The following ILDR2 variants were observed in gnomAD, a reference collection of about 807,000 sequenced individuals.
ILDR2 encodes immunoglobulin-like domain-containing receptor 2.
In ILDR2, 25 loss-of-function variants were observed where a neutral mutation model predicts 66.8. That is an observed-to-expected ratio of 0.37 (90% confidence interval 0.27 to 0.52). The LOEUF (loss-of-function observed/expected upper bound fraction) is 0.52, where lower values mean the gene tolerates loss of function less well. Among genes scored for constraint, ILDR2 ranks in the 20% least tolerant of loss-of-function variants. ILDR2 has a pLI of 0.88. For missense variants in ILDR2, 827 were observed against 876.8 expected (o/e 0.94, Z 0.72); for synonymous variants, 367 against 357.2 (o/e 1.03, Z -0.31).
chr1:166,897,141 T>C (rs1659182203), intron 2 of ILDR2, among the ~76,000 whole-genome samples: 2 of 152,218 alleles, frequency 1.3e-5, no homozygotes, highest in South Asian at 4.1e-4. Context: ...AAAATACAAC[T>C]AGCAGTAAGG....
Position 166,922,706 on chromosome 1 carries a change from G to A in ILDR2, c.1098C>T (p.Asp366=), listed in dbSNP as rs764579479. 2 of 1,614,212 alleles carry A rather than the reference G, an allele frequency of 1.2e-6. No individual in the cohort carries two copies. Among genetic ancestry groups the A allele is most frequent in the Non-Finnish European group, 1.7e-6 (2 of 1,180,034 alleles). ...ACCAATAGTCAGGATTGCTCTCCAAGTCCCCAGACACAGGGAACTGCTTGC... is the reference window on the plus strand; with the variant it reads ...ACCAATAGTCAGGATTGCTCTCCAAATCCCCAGACACAGGGAACTGCTTGC... The part of the protein sequence containing the change: ...MRSKQFPVSG[D]LESNPDYWSG... Residue 366 remains aspartate, a synonymous_variant, in exon 8 of 10, where the codon GAC becomes GAT. Transcript: ENST00000271417.
chr1:166,956,727 A>C lies in ILDR2; in HGVS notation c.499+6T>G, dbSNP rs1662306941. ...GATGAAAATGTCACCTGTTGTTTTC[A>C]CTTACCCAACACCAGCAGTTCCACT... is the stretch of plus-strand genomic sequence containing the variant. On this transcript the variant is annotated splice_donor_region_variant and intron_variant, in intron 3 of 9. Transcript: ENST00000271417. 4 of 1,613,256 alleles carry C rather than the reference A, an allele frequency of 2.5e-6. No individual in the cohort carries two copies. The highest frequency in any genetic ancestry group is 3.4e-6 in the Non-Finnish European group (4 of 1,179,746).
At chr1:166,954,803 T>C (rs1315891781) in intron 3 of ILDR2, among the ~76,000 whole-genome samples, 3 of 152,206 alleles carry the variant, frequency 2.0e-5, no homozygotes, top group Non-Finnish European at 2.9e-5. Context: ...GCTTTGCATG[T>C]TTTGATCCAG....
chr1:166,967,424 G>A (rs1663026911), intron 1 of ILDR2, among the ~76,000 whole-genome samples: 1 of 152,176 alleles, frequency 6.6e-6, no homozygotes, highest in South Asian at 2.1e-4. Context: ...GAAACGGAGG[G>A]GGAAGGGAGG....
intron 3 of ILDR2, among the ~76,000 whole-genome samples, chr1:166,948,924 A>T (rs1160870451): frequency 6.6e-6 from 1 of 152,120 alleles, no homozygotes; most frequent in African/African-American, 2.4e-5. Flanking sequence ...CTTCCGTGTA[A>T]ATTTTATTAC....
intron 1 of ILDR2, among the ~76,000 whole-genome samples, chr1:166,972,329 A>C (rs946101259): frequency 1.3e-5 from 2 of 152,230 alleles, no homozygotes; most frequent in Non-Finnish European, 2.9e-5. Flanking sequence ...GTGTTCCCAG[A>C]GTGTCGACAC....
At position 166,936,518 on chromosome 1, in the gene ILDR2, G is replaced by A. The variant is rs563728595; in HGVS notation, c.703+73C>T. 6.2e-6 allele frequency: 10 copies of A among 1,600,100 alleles called. No homozygotes were observed. The highest frequency in any genetic ancestry group is 4.5e-5 in the South Asian group (4 of 88,854). On this transcript the variant is annotated intron_variant, in intron 5 of 9. Coordinates refer to ENST00000271417, the MANE Select transcript of ILDR2 (RefSeq NM_199351.3). The surrounding 1 kb of genome is among the most constrained non-coding windows in gnomAD (Gnocchi z 5.0). ...ACAGGAGGTGGAGGAGGAACCCAGC[G>A]CACACAGCTGTCAGGTAGAGAGGTA...
At chr1:166,932,932 A>G (rs1320330223) in intron 6 of ILDR2, among the ~76,000 whole-genome samples, 6 of 152,238 alleles carry the variant, frequency 3.9e-5, no homozygotes, top group Admixed American at 3.9e-4. Flanking sequence ...GAACACTGGC[A>G]TAAGCCACCT....
At chr1:166,949,770 CCT>C (rs750430268) in intron 3 of ILDR2, among the ~76,000 whole-genome samples, 21 of 152,192 alleles carry the variant, frequency 1.4e-4, no homozygotes, top group African/African-American at 4.6e-4. Flanking sequence ...CTCCTCCATC[CCT>C]TCAATGCATT....
chr1:166,911,265 G>T lies in ILDR2; in HGVS notation c.*8090C>A, dbSNP rs1197377425. On this transcript the variant is annotated 3_prime_UTR_variant, in exon 10 of 10. Transcript: ENST00000271417. ...CTTAAGATTTTGTTTGCAGTCTACA[G>T]GTTGCATTAGAAAGAAATGCACAAT... 2 of 152,198 alleles carry T rather than the reference G, an allele frequency of 1.3e-5. No individual in the cohort carries two copies. Among genetic ancestry groups the T allele is most frequent in the African/African-American group, 4.8e-5 (2 of 41,450 alleles). 9.4% of individuals were successfully genotyped at this position (152,198 alleles called of 1,614,324 possible). A position where few individuals can be genotyped will look rare whatever the true frequency, so the allele number is the denominator to read the frequency against.
At chr1:166,939,316 C>A in intron 4 of ILDR2, among the ~76,000 whole-genome samples, 198 bp downstream of exon 4, 1 of 152,168 alleles carries the variant, frequency 6.6e-6, no homozygotes, top group East Asian at 1.9e-4. Context: ...TTTTAATTAT[C>A]ATTATTCTTT....
chr1:166,930,690 A>G (rs923361260), intron 6 of ILDR2, among the ~76,000 whole-genome samples: 2 of 152,132 alleles, frequency 1.3e-5, no homozygotes, highest in African/African-American at 4.8e-5. Context: ...AGCTGGCATT[A>G]TGGATCAATC....
At chr1:166,963,383 G>A (rs1217663722) in intron 1 of ILDR2, among the ~76,000 whole-genome samples, 1 of 152,188 alleles carries the variant, frequency 6.6e-6, no homozygotes, top group Non-Finnish European at 1.5e-5. Flanking sequence ...AGAGACTGAT[G>A]CTCAGATAAT....
intron 3 of ILDR2, among the ~76,000 whole-genome samples, chr1:166,944,071 A>G (rs1480394221): frequency 6.6e-6 from 1 of 152,258 alleles, no homozygotes; most frequent in Non-Finnish European, 1.5e-5. Flanking sequence ...CCAGTTCCAT[A>G]TCATACTGTC....
intron 3 of ILDR2, among the ~76,000 whole-genome samples, chr1:166,948,058 C>T (rs1373255150): frequency 6.6e-6 from 1 of 152,146 alleles, no homozygotes; most frequent in Non-Finnish European, 1.5e-5. Flanking sequence ...TTGCTGGGCC[C>T]CTCTGCTCGA....
chr1:166,938,155 A>G (rs1661096748), intron 4 of ILDR2, among the ~76,000 whole-genome samples: 1 of 152,250 alleles, frequency 6.6e-6, no homozygotes, highest in Admixed American at 6.5e-5. Flanking sequence ...GCCGAGGACA[A>G]TCGATAGCAG....
At chr1:166,922,127 G>A (rs1659984585) in intron 8 of ILDR2, among the ~76,000 whole-genome samples, 1 of 152,072 alleles carries the variant, frequency 6.6e-6, no homozygotes, top group African/African-American at 2.4e-5. Flanking sequence ...GATCAAAAAT[G>A]AGGGAGATGG....
Position 166,956,797 on chromosome 1 carries a change from A to G in ILDR2, c.435T>C (p.Cys145=). ...CCAGGTCATCTGGGGTGGTGATAAT[A>G]CAGTAATAGAGTCCGCTGTCTCCCC... is the stretch of plus-strand genomic sequence containing the variant. ...LMWGDSGLYY[C]IITTPDDLEG... is the part of the protein sequence containing the mutation. Residue 145 remains cysteine (C), a synonymous_variant, in exon 3 of 10, where the codon TGT becomes TGC. Coordinates refer to ENST00000271417, the MANE Select transcript of ILDR2 (RefSeq NM_199351.3). The G allele has an allele frequency of 6.2e-7, 1 of 1,614,096 alleles. No homozygotes were observed. Among genetic ancestry groups the G allele is most frequent in the Non-Finnish European group, 8.5e-7 (1 of 1,179,946 alleles).
At position 166,936,759 on chromosome 1, in the gene ILDR2, TC is replaced by T. The variant is rs764177541; in HGVS notation, c.557-23del. The T allele has an allele frequency of 6.2e-7, 1 of 1,613,154 alleles. No homozygotes were observed. The highest frequency in any genetic ancestry group is 1.1e-5 in the South Asian group (1 of 90,976). Reference sequence around the variant, plus strand: ...CACTCTGGAAGGATGCACAAAGAAATCCACACTCGAGGCAGCCCACCTCCAG... The same window carrying T: ...CACTCTGGAAGGATGCACAAAGAAATCACACTCGAGGCAGCCCACCTCCAG... On this transcript the variant is annotated intron_variant, in intron 4 of 9. Coordinates refer to ENST00000271417, the MANE Select transcript of ILDR2 (RefSeq NM_199351.3). The surrounding 1 kb of genome is among the most constrained non-coding windows in gnomAD (Gnocchi z 5.0).
Sources: allele counts gnomAD v4.1 joint callset (sites outside exome capture counted in the v4.1 genomes callset), GRCh38; gene constraint gnomAD v4.1.1; non-coding constraint Gnocchi (gnomAD v3.1); transcripts MANE v1.5; gene names NCBI Gene and HGNC (gene_info 2026-07-23, HGNC 2026-07-21).